The following UNC5C variants were observed in gnomAD, a reference collection of about 807,000 sequenced individuals.
The protein encoded by UNC5C is netrin receptor UNC5C.
UNC5C carries 47 observed loss-of-function variants against 99.8 expected under a neutral mutation model. The ratio of observed to expected loss-of-function variants is 0.47; its 90% confidence interval spans 0.37 to 0.60. The LOEUF is 0.60. UNC5C is among the 20% of genes least tolerant of loss of function. The probability of loss-of-function intolerance (pLI) is 0.00; values close to 1 mark genes in which losing one functional copy is unlikely to be tolerated. For missense variants in UNC5C, 1,062 were observed against 1,165.9 expected (o/e 0.91, Z 1.30); for synonymous variants, 487 against 452.2 (o/e 1.08, Z -0.98).
intron 4 of UNC5C, among the ~76,000 whole-genome samples, chr4:95,264,491 TC>T (rs1375563165): frequency 7.9e-5 from 12 of 152,012 alleles, no homozygotes; most frequent in African/African-American, 2.2e-4. Flanking sequence ...AGATATCAAC[TC>T]CCCCAATGCT....
At position 95,220,324 on chromosome 4, in the gene UNC5C, G is replaced by C. The variant is rs573849222; in HGVS notation, c.1109-148C>G. On this transcript the variant is annotated intron_variant, in intron 7 of 15. Coordinates refer to ENST00000453304, the MANE Select transcript of UNC5C (RefSeq NM_003728.4). ...TCAAAAGCTATATAAAATGGCTGTGGCCTTTCAGTGGAAAATTGTCTCTGA... is the reference window on the plus strand; with the variant it reads ...TCAAAAGCTATATAAAATGGCTGTGCCCTTTCAGTGGAAAATTGTCTCTGA... The C allele has an allele frequency of 2.7e-5, 21 of 781,696 alleles. No homozygotes were observed. In the African/African-American group the frequency reaches 3.5e-4, roughly 13 times the overall value. The allele number at this position is 781,696 out of a possible 1,614,324, so 48.4% of individuals were successfully genotyped here.
intron 12 of UNC5C, among the ~76,000 whole-genome samples, chr4:95,194,752 T>C (rs1350926987): frequency 4.6e-5 from 7 of 152,226 alleles, no homozygotes; most frequent in Non-Finnish European, 8.8e-5. Flanking sequence ...AAAGACTGTT[T>C]TGCCATGTAG....
intron 1 of UNC5C, among the ~76,000 whole-genome samples, chr4:95,543,230 A>G (rs1436293008): frequency 6.6e-6 from 1 of 152,148 alleles, no homozygotes; most frequent in Non-Finnish European, 1.5e-5. Flanking sequence ...GCAGAACCAG[A>G]ACCAATAATA....
intron 1 of UNC5C, among the ~76,000 whole-genome samples, chr4:95,534,279 C>G (rs1003339367): frequency 2.6e-5 from 4 of 152,080 alleles, no homozygotes; most frequent in Admixed American, 6.6e-5. Context: ...TTAGTTAATG[C>G]GTCTATTACA....
At chr4:95,394,870 A>C (rs1217941817) in intron 1 of UNC5C, among the ~76,000 whole-genome samples, 1 of 152,194 alleles carries the variant, frequency 6.6e-6, no homozygotes, top group Non-Finnish European at 1.5e-5. Context: ...CTCTGACACC[A>C]AAAACAACAG....
intron 1 of UNC5C, among the ~76,000 whole-genome samples, chr4:95,489,917 A>C (rs1490583482): frequency 6.6e-6 from 1 of 151,706 alleles, no homozygotes; most frequent in African/African-American, 2.4e-5. Flanking sequence ...GGAACTGTGA[A>C]TTTAGGAGTC....
At chr4:95,173,794 T>C (rs1736223423) in intron 14 of UNC5C, among the ~76,000 whole-genome samples, 1 of 152,212 alleles carries the variant, frequency 6.6e-6, no homozygotes, top group Non-Finnish European at 1.5e-5. Context: ...TTCTATTGAT[T>C]GGAATAGTTT....
intron 5 of UNC5C, chr4:95,247,803 T>G (rs1739556628): frequency 6.6e-6 from 1 of 152,232 alleles, no homozygotes; most frequent in African/African-American, 2.4e-5. Context: ...GATTTGCATG[T>G]GCATTAAACA....
chr4:95,322,167 ATAACTTCC>A (rs1166713789), intron 2 of UNC5C, among the ~76,000 whole-genome samples: 5 of 152,234 alleles, frequency 3.3e-5, no homozygotes, highest in Non-Finnish European at 5.9e-5. Flanking sequence ...CAAAACCCAC[ATAACTTCC>A]TTTTGAAATT....
At chr4:95,514,666 T>G (rs115674472) in intron 1 of UNC5C, among the ~76,000 whole-genome samples, 3,142 of 148,988 alleles carry the variant, frequency 0.021, 121 homozygotes, top group African/African-American at 0.071. Context: ...TATACATATA[T>G]ACACATATAT....
intron 1 of UNC5C, among the ~76,000 whole-genome samples, chr4:95,498,371 T>C (rs1444936849): frequency 6.6e-6 from 1 of 151,994 alleles, no homozygotes; most frequent in Non-Finnish European, 1.5e-5. Flanking sequence ...GATCATTCAG[T>C]AAGCCATAAG....
intron 1 of UNC5C, among the ~76,000 whole-genome samples, chr4:95,394,411 C>A (rs924484785): frequency 6.6e-6 from 1 of 152,134 alleles, no homozygotes; most frequent in African/African-American, 2.4e-5. Flanking sequence ...GAACAGGGAT[C>A]GACTTTTACC....
At chr4:95,469,658 G>GGTATAT (rs1189180635) in intron 1 of UNC5C, among the ~76,000 whole-genome samples, 3 of 151,996 alleles carry the variant, frequency 2.0e-5, no homozygotes, top group African/African-American at 4.8e-5. Flanking sequence ...CTCAAGCTAT[G>GGTATAT]GTATATATCA....
At chr4:95,276,262 G>T (rs576275069) in intron 4 of UNC5C, among the ~76,000 whole-genome samples, 69 of 152,224 alleles carry the variant, frequency 4.5e-4, no homozygotes, top group African/African-American at 1.6e-3. Flanking sequence ...ATGTATGTTT[G>T]ATCTCTCTTC....
At position 95,170,222 on chromosome 4, in the gene UNC5C, G is replaced by C. The variant is rs1473321989; in HGVS notation, c.2562C>G (p.Ser854Arg). Residue 854 changes from serine (S) to arginine (R), a missense_variant, in exon 15 of 16, where the codon AGC (serine) becomes AGG (arginine). Ser to Arg is a moderately radical substitution (Grantham distance 110). Coordinates refer to ENST00000453304, the MANE Select transcript of UNC5C (RefSeq NM_003728.4). ...CTCTCGTCTGGGGGGCATCCAGGCT[G>C]CTACAGAGCTTCTGCCGGATAGGGA... ...IPLPIRQKLC[S>R]SLDAPQTRGH... The C allele has an allele frequency of 1.9e-6, 3 of 1,614,066 alleles. No individual in the cohort carries two copies. The highest frequency in any genetic ancestry group is 2.5e-6 in the Non-Finnish European group (3 of 1,180,056).
rs1448796260 is a variant in UNC5C at position 95,205,610 on chromosome 4, T to G, written c.1902+1018A>C. Among the ~76,000 whole-genome samples the G allele has an allele frequency of 2.0e-5, 3 of 152,190 alleles. No individual in the cohort carries two copies. In the South Asian group the frequency reaches 6.2e-4, roughly 32 times the overall value. ...AATTATCATAAGTAATCACAAAGCATATAATATATACTTTGCATATTATAA... is the reference window on the plus strand; with the variant it reads ...AATTATCATAAGTAATCACAAAGCAGATAATATATACTTTGCATATTATAA... On this transcript the variant is annotated intron_variant, in intron 11 of 15. Transcript: ENST00000453304.
chr4:95,242,302 A>G (rs536677679), intron 7 of UNC5C, 127 bp downstream of exon 7: 17 of 1,325,374 alleles, frequency 1.3e-5, no homozygotes, highest in Non-Finnish European at 1.7e-5. Flanking sequence ...GCAAGCTAGA[A>G]TATTGCTATG....
At chr4:95,431,453 A>G (rs1025707556) in intron 1 of UNC5C, among the ~76,000 whole-genome samples, 4 of 152,108 alleles carry the variant, frequency 2.6e-5, no homozygotes, top group African/African-American at 9.7e-5. Context: ...GAAACACTAG[A>G]GTGGGAAATA....
intron 1 of UNC5C, among the ~76,000 whole-genome samples, chr4:95,381,733 A>G (rs1055982573): frequency 5.9e-5 from 9 of 152,202 alleles, no homozygotes; most frequent in African/African-American, 1.7e-4. Context: ...TTGCATATAC[A>G]TTGATTAAAT....
Sources: gnomAD v4.1 joint callset for allele counts (sites outside exome capture counted in the v4.1 genomes callset) on GRCh38, gnomAD v4.1.1 for gene constraint, MANE v1.5 for transcripts, NCBI Gene and HGNC (gene_info 2026-07-23, HGNC 2026-07-21) for gene names.